PPP3R1: variants seen among roughly 807,000 people sequenced by gnomAD.
The protein encoded by PPP3R1 is protein phosphatase 3 regulatory subunit B, alpha, also known as calcineurin subunit B type 1.
A neutral mutation model predicts 22.6 loss-of-function variants in PPP3R1; 5 were observed. The ratio of observed to expected loss-of-function variants is 0.22; its 90% CI spans 0.12 to 0.46. The LOEUF (loss-of-function observed/expected upper bound fraction) is 0.46. Among genes scored for constraint, PPP3R1 ranks in the 20% least tolerant of loss-of-function variants. The probability of loss-of-function intolerance (pLI) is 0.99; values close to 1 mark genes in which losing one functional copy is unlikely to be tolerated. For synonymous variants in PPP3R1, 56 were observed against 65.2 expected (o/e 0.86, Z 0.68); for missense variants, 61 against 203.2 (o/e 0.30, Z 4.25).
intron 2 of PPP3R1, among the ~76,000 whole-genome samples, chr2:68,193,633 G>A (rs1210700123): frequency 1.3e-5 from 2 of 152,106 alleles, no homozygotes; most frequent in East Asian, 3.8e-4. Context: ...GGTCATTACT[G>A]GCACCTGAGG....
chr2:68,206,319 C>G (rs1305359912), intron 2 of PPP3R1, among the ~76,000 whole-genome samples: 1 of 151,986 alleles, frequency 6.6e-6, no homozygotes, highest in Non-Finnish European at 1.5e-5. Flanking sequence ...GAAGGGCTAA[C>G]CATGAAAAAG....
intron 2 of PPP3R1, among the ~76,000 whole-genome samples, chr2:68,201,087 T>C (rs13415379): frequency 0.043 from 6,596 of 152,240 alleles, 454 homozygotes; most frequent in African/African-American, 0.15. Context: ...AAGATCTGGC[T>C]CCTAAAGCAT....
chr2:68,204,119 C>T (rs1372045345), intron 2 of PPP3R1, among the ~76,000 whole-genome samples: 3 of 152,056 alleles, frequency 2.0e-5, no homozygotes, highest in African/African-American at 7.2e-5. Context: ...CTTAAATTAT[C>T]TAAGGTAGTA....
intron 1 of PPP3R1, among the ~76,000 whole-genome samples, chr2:68,226,342 G>A (rs1669780524): frequency 6.6e-6 from 1 of 152,076 alleles, no homozygotes; most frequent in African/African-American, 2.4e-5. Flanking sequence ...CAATAAAGCT[G>A]ATTTTTATAA....
chr2:68,205,997 T>C (rs6750215), intron 2 of PPP3R1, among the ~76,000 whole-genome samples: 32,344 of 152,006 alleles, frequency 0.21, 3,679 homozygotes, highest in Non-Finnish European at 0.25. Context: ...TTTGTATTTT[T>C]AGTAGAGACG....
intron 2 of PPP3R1, among the ~76,000 whole-genome samples, chr2:68,195,532 T>C (rs1326728903): frequency 1.3e-5 from 2 of 152,174 alleles, no homozygotes; most frequent in African/African-American, 4.8e-5. Context: ...GGGTAGGGAA[T>C]ACTTTGAGAC....
At chr2:68,199,241 C>T (rs142807390) in intron 2 of PPP3R1, among the ~76,000 whole-genome samples, 2 of 152,256 alleles carry the variant, frequency 1.3e-5, no homozygotes, top group East Asian at 1.9e-4. Flanking sequence ...GGATTACAGG[C>T]GTGAGCCACC....
chr2:68,207,321 C>A (rs1675150369), intron 2 of PPP3R1, among the ~76,000 whole-genome samples: 1 of 151,016 alleles, frequency 6.6e-6, no homozygotes, highest in East Asian at 1.9e-4. Flanking sequence ...GCTGGCTGAA[C>A]AATGACAAGT....
chr2:68,233,875 A>G lies in PPP3R1; in HGVS notation c.4-16744T>C, dbSNP rs952693845. Among the ~76,000 whole-genome samples the G allele has an allele frequency of 3.3e-5, 5 of 152,228 alleles. No individual in the cohort carries two copies. In the South Asian group the frequency reaches 8.3e-4, roughly 25 times the overall value. ...TAATGGATCTAGAAAGTAATCCTTA[A>G]AAGTTAAAAGTTAACTCTGTGACTA... On this transcript the variant is annotated intron_variant, in intron 1 of 5. Coordinates refer to ENST00000234310, the MANE Select transcript of PPP3R1 (RefSeq NM_000945.4).
At chr2:68,244,306 A>G (rs1239137244) in intron 1 of PPP3R1, among the ~76,000 whole-genome samples, 1 of 152,142 alleles carries the variant, frequency 6.6e-6, no homozygotes, top group Non-Finnish European at 1.5e-5. Flanking sequence ...CCTAGCTACC[A>G]TTTAGTTATA....
At chr2:68,188,457 G>GT (rs1674593389) in intron 3 of PPP3R1, 57 bp downstream of exon 3, 1 of 1,247,906 alleles carries the variant, frequency 8.0e-7, no homozygotes, top group African/African-American at 1.6e-5. Flanking sequence ...ACACAGAGCT[G>GT]TAAGAATACA....
At chr2:68,195,552 ACT>A (rs1268326790) in intron 2 of PPP3R1, among the ~76,000 whole-genome samples, 1 of 151,858 alleles carries the variant, frequency 6.6e-6, no homozygotes. Flanking sequence ...CTGTGCAAAT[ACT>A]CTTTTCTCCT....
intron 2 of PPP3R1, among the ~76,000 whole-genome samples, chr2:68,201,151 G>C (rs13402188): frequency 0.5 from 75,620 of 151,876 alleles, 19,569 homozygotes; most frequent in African/African-American, 0.63. Flanking sequence ...ACATTTTCCA[G>C]ATCTTCCTCT....
At chr2:68,232,424 G>C in intron 1 of PPP3R1, among the ~76,000 whole-genome samples, 1 of 148,396 alleles carries the variant, frequency 6.7e-6, no homozygotes, top group Non-Finnish European at 1.5e-5. Flanking sequence ...CTGCGCAACA[G>C]AGTGAGACTC....
At chr2:68,217,604 T>C (rs932110898) in intron 1 of PPP3R1, among the ~76,000 whole-genome samples, 2 of 152,110 alleles carry the variant, frequency 1.3e-5, no homozygotes, top group Admixed American at 1.3e-4. Context: ...TTTCCCTGCA[T>C]TGAAACATAA....
chr2:68,252,122 C>A lies in PPP3R1; in HGVS notation c.3+3G>T. The stretch of plus-strand genomic sequence containing the variant: ...TGGTGCATCGAGGAAGCCAAGGTCT[C>A]ACCATTTTGCTCGGCGGGTCGGCGG... On this transcript the variant is annotated splice_donor_region_variant and intron_variant, in intron 1 of 5. Coordinates refer to ENST00000234310, the MANE Select transcript of PPP3R1 (RefSeq NM_000945.4). The A allele has an allele frequency of 6.9e-7, 1 of 1,440,514 alleles. No homozygotes were observed. The highest frequency in any genetic ancestry group is 9.3e-7 in the Non-Finnish European group (1 of 1,076,830). The allele number at this position is 1,440,514 out of a possible 1,614,324, so 89.2% of individuals were successfully genotyped here. A position where few individuals can be genotyped will look rare whatever the true frequency, so the allele number is the denominator to read the frequency against.
At chr2:68,225,103 G>A (rs1465325770) in intron 1 of PPP3R1, among the ~76,000 whole-genome samples, 1 of 152,182 alleles carries the variant, frequency 6.6e-6, no homozygotes, top group Non-Finnish European at 1.5e-5. Context: ...TTCTTAGGTA[G>A]CCCTTTGAAA....
intron 1 of PPP3R1, among the ~76,000 whole-genome samples, chr2:68,243,603 G>A (rs1255137665): frequency 2.0e-5 from 3 of 152,024 alleles, no homozygotes; most frequent in Non-Finnish European, 4.4e-5. Context: ...ACAAAAAAAA[G>A]TTCTAGTAAA....
At chr2:68,219,975 A>G (rs1188745019) in intron 1 of PPP3R1, among the ~76,000 whole-genome samples, 1 of 152,240 alleles carries the variant, frequency 6.6e-6, no homozygotes, top group Non-Finnish European at 1.5e-5. Context: ...AAAATTCAGT[A>G]ACATCTGCCC....
Sources: gnomAD v4.1 joint callset for allele counts (sites outside exome capture counted in the v4.1 genomes callset) on GRCh38, gnomAD v4.1.1 for gene constraint, MANE v1.5 for transcripts, NCBI Gene and HGNC (gene_info 2026-07-23, HGNC 2026-07-21) for gene names.